Variants in ENOX2 observed in about 807,000 individuals in gnomAD.
The protein encoded by ENOX2 is APK1 antigen.
In ENOX2, 36 loss-of-function variants were observed where a neutral mutation model predicts 45.0. The observed-to-expected ratio is 0.80, with a 90% CI of 0.61 to 1.06. ENOX2 has a LOEUF of 1.06. Among genes scored for constraint, ENOX2 ranks in the 50% least tolerant of loss-of-function variants. ENOX2 has a pLI of 0.00. For synonymous variants in ENOX2, 174 were observed against 152.3 expected, an observed-to-expected ratio of 1.14 and a Z score of -1.05; for missense variants, 423 against 462.5, an observed-to-expected ratio of 0.91 and a Z score of 0.78.
chrX:130,684,505 T>C (rs1430942524), intron 5 of ENOX2, among the ~76,000 whole-genome samples: 2 of 111,969 alleles, frequency 1.8e-5, no homozygotes, highest in East Asian at 2.8e-4. Context: ...ACTAAAAATA[T>C]AGATTTGGAA....
chrX:130,640,043 T>A (rs905108455), intron 10 of ENOX2, among the ~76,000 whole-genome samples: 2 of 111,987 alleles, frequency 1.8e-5, no homozygotes, highest in African/African-American at 6.5e-5. Flanking sequence ...TATTTCCTAG[T>A]TCATAGATGG....
At chrX:130,674,676 G>C (rs981557114) in intron 6 of ENOX2, among the ~76,000 whole-genome samples, 1 of 109,719 alleles carries the variant, frequency 9.1e-6, no homozygotes, top group African/African-American at 3.3e-5. Flanking sequence ...GTGCAGGTTA[G>C]TCACATATGT....
chrX:130,705,897 C>CT (rs1298739115), intron 3 of ENOX2, among the ~76,000 whole-genome samples: 1 of 111,510 alleles, frequency 9.0e-6, no homozygotes, highest in Non-Finnish European at 1.9e-5. Context: ...CCCCGTTTCC[C>CT]TTTTTTACCC....
At chrX:130,850,929 T>G (rs766777429) in intron 2 of ENOX2, among the ~76,000 whole-genome samples, 7 of 112,617 alleles carry the variant, frequency 6.2e-5, no homozygotes, top group African/African-American at 2.3e-4. Context: ...GCACTCAAAG[T>G]CAGCCAGCAG....
chrX:130,842,121 C>A (rs12007391), intron 2 of ENOX2, among the ~76,000 whole-genome samples: 21 of 112,714 alleles, frequency 1.9e-4, no homozygotes, highest in South Asian at 3.7e-4. Context: ...TAAAGCCAGC[C>A]GTAATGCCGT....
intron 2 of ENOX2, among the ~76,000 whole-genome samples, chrX:130,814,586 G>A (rs1465780797): frequency 8.9e-6 from 1 of 111,959 alleles, no homozygotes; most frequent in Non-Finnish European, 1.9e-5. Context: ...GCCTCTGCTG[G>A]TGATACTCAG....
chrX:130,790,440 C>G (rs1328322964), intron 2 of ENOX2, among the ~76,000 whole-genome samples: 1 of 112,283 alleles, frequency 8.9e-6, no homozygotes, highest in South Asian at 3.7e-4. Context: ...TTATGCTCTA[C>G]CCTAATACTT....
chrX:130,828,068 A>G (rs915361818), intron 2 of ENOX2, among the ~76,000 whole-genome samples: 3 of 112,333 alleles, frequency 2.7e-5, no homozygotes, highest in Non-Finnish European at 3.8e-5. Context: ...TGGTATCCCA[A>G]TATCCGAGTT....
chrX:130,836,482 A>G (rs1330595095), intron 2 of ENOX2, among the ~76,000 whole-genome samples: 4 of 111,392 alleles, frequency 3.6e-5, no homozygotes, highest in African/African-American at 6.5e-5. Flanking sequence ...AAATGAGCAC[A>G]TTCAAAGACT....
chrX:130,796,147 C>T (rs1423594253), intron 2 of ENOX2, among the ~76,000 whole-genome samples: 3 of 110,374 alleles, frequency 2.7e-5, no homozygotes, highest in African/African-American at 9.9e-5. Context: ...GGAGAGATGA[C>T]AGTCGCATGA....
At chrX:130,774,643 T>A (rs1275838506) in intron 3 of ENOX2, among the ~76,000 whole-genome samples, 1 of 112,027 alleles carries the variant, frequency 8.9e-6, no homozygotes, top group African/African-American at 3.2e-5. Flanking sequence ...GCTTGTAGAG[T>A]TTGCAACCAC....
Position 130,853,569 on chromosome X carries a change from C to A in ENOX2, c.-183+48115G>T, listed in dbSNP as rs747136861. Reference sequence around the variant, plus strand: ...GAAAACTTAAACAATAGCCAAACAACACAAGAAACTGCACCCCTAACCTCA... The same window carrying A: ...GAAAACTTAAACAATAGCCAAACAAAACAAGAAACTGCACCCCTAACCTCA... On this transcript the variant is annotated intron_variant, in intron 2 of 14. Coordinates refer to ENST00000394363, the MANE Select transcript of ENOX2 (RefSeq NM_006375.4). 4.2e-4 allele frequency among the ~76,000 whole-genome samples: 45 copies of A among 108,406 alleles called. 1 individual carries two copies. Among genetic ancestry groups the A allele is most frequent in the Admixed American group, 3.6e-3 (36 of 10,137 alleles). The allele number at this position is 108,406 out of a possible 115,157, so 94.1% of individuals were successfully genotyped here. A position where few individuals can be genotyped will look rare whatever the true frequency, so the allele number is the denominator to read the frequency against.
intron 10 of ENOX2, among the ~76,000 whole-genome samples, chrX:130,653,285 C>G (rs1280912109): frequency 8.9e-6 from 1 of 111,974 alleles, no homozygotes; most frequent in East Asian, 2.8e-4. Context: ...TCTGGTTAGA[C>G]TCTCTTAATT....
intron 4 of ENOX2, among the ~76,000 whole-genome samples, chrX:130,695,187 A>T (rs1017294871): frequency 2.7e-5 from 3 of 111,520 alleles, no homozygotes; most frequent in Admixed American, 1.9e-4. Context: ...TGGCCTTCAA[A>T]CCTTCCTATC....
rs142907349 is a variant in ENOX2 at position 130,856,039 on chromosome X, C to G, written c.-183+45645G>C. Among the ~76,000 whole-genome samples the G allele has an allele frequency of 9.0e-3, 1,010 of 112,052 alleles. 12 individuals carry two copies. The highest frequency in any genetic ancestry group is 0.031 in the African/African-American group (952 of 30,849). ...AATGAGATATCACGCTCACCTATCACAGTACTAAAGTAAAAACAGTGACAC... is the reference window on the plus strand; with the variant it reads ...AATGAGATATCACGCTCACCTATCAGAGTACTAAAGTAAAAACAGTGACAC... On this transcript the variant is annotated intron_variant, in intron 2 of 14. Coordinates refer to ENST00000394363, the MANE Select transcript of ENOX2 (RefSeq NM_006375.4).
chrX:130,857,760 A>G (rs1288140810), intron 2 of ENOX2, among the ~76,000 whole-genome samples: 2 of 111,878 alleles, frequency 1.8e-5, no homozygotes, highest in Non-Finnish European at 3.8e-5. Flanking sequence ...ATCAAGTTAT[A>G]TATATTAATT....
intron 3 of ENOX2, among the ~76,000 whole-genome samples, chrX:130,711,701 T>C (rs2038195149): frequency 9.0e-6 from 1 of 111,667 alleles, no homozygotes; most frequent in Non-Finnish European, 1.9e-5. Context: ...CAGATGAGAA[T>C]CTCAGCATAG....
In ENOX2 at chrX:130,667,651, G is replaced by T; in HGVS notation, c.786C>A (p.Ser262=). The change falls in exon 8 of 15, where the codon TCC becomes TCA. Residue 262 remains serine (S), a synonymous_variant. Coordinates refer to ENST00000394363, the MANE Select transcript of ENOX2 (RefSeq NM_006375.4). ...CATGGCTGTTGGCCGACTGGATCATGGAGTAGAAGTTATTGGCGCTACGAC... is the reference window on the plus strand; with the variant it reads ...CATGGCTGTTGGCCGACTGGATCATTGAGTAGAAGTTATTGGCGCTACGAC... ...VNRRSANNFY[S]MIQSANSHVR... 8.3e-7 allele frequency: 1 copy of T among 1,211,136 alleles called. No individual in the cohort carries two copies. Among genetic ancestry groups the T allele is most frequent in the Middle Eastern group, 2.3e-4 (1 of 4,352 alleles).
chrX:130,761,514 T>C (rs751190900), intron 3 of ENOX2, among the ~76,000 whole-genome samples: 1 of 112,052 alleles, frequency 8.9e-6, no homozygotes, highest in South Asian at 3.8e-4. Flanking sequence ...TTGCTATAAA[T>C]AAATAGCTCA....
Sources: allele counts gnomAD v4.1 joint callset (sites outside exome capture counted in the v4.1 genomes callset), GRCh38; gene constraint gnomAD v4.1.1; transcripts MANE v1.5; gene names NCBI Gene and HGNC (gene_info 2026-07-23, HGNC 2026-07-21).